Variants in PDE4D observed in about 807,000 individuals in gnomAD.
The protein encoded by PDE4D is phosphodiesterase 4D.
A neutral mutation model predicts 87.4 loss-of-function variants in PDE4D; 24 were observed. That is an observed-to-expected ratio of 0.27 (90% CI 0.20 to 0.39). The LOEUF is 0.39. Among genes scored for constraint, PDE4D ranks in the 10% least tolerant of loss-of-function variants. The pLI is 1.00. For missense variants in PDE4D, 714 were observed against 1,041.0 expected, an observed-to-expected ratio of 0.69 and a Z score of 4.32; for synonymous variants, 384 against 383.2, an observed-to-expected ratio of 1.00 and a Z score of -0.02.
chr5:58,975,534 G>A lies in PDE4D; in HGVS notation c.2013+123C>T, dbSNP rs988570484. 1.5e-6 allele frequency: 1 copy of A among 687,108 alleles called. No individual in the cohort carries two copies. The allele number at this position is 687,108 out of a possible 1,614,324, so 42.6% of individuals were successfully genotyped here. On this transcript the variant is annotated intron_variant, in intron 14 of 14. Transcript: ENST00000340635. This position sits in a 1 kb window ranked among gnomAD's most constrained non-coding sequence, Gnocchi z 4.2. ...GGATCATAAATACTAAGGTGAAATT[G>A]AGCTTGTCAAAAACAAAGTAATTTT... is the stretch of plus-strand genomic sequence containing the variant.
At chr5:60,250,110 A>G (rs1276423026) in intron 1 of PDE4D, among the ~76,000 whole-genome samples, 2 of 152,036 alleles carry the variant, frequency 1.3e-5, no homozygotes, top group African/African-American at 4.8e-5. Flanking sequence ...GGCTATCATC[A>G]GACAAATTTA....
At chr5:60,017,030 T>C (rs1195460887) in intron 2 of PDE4D, among the ~76,000 whole-genome samples, 1 of 152,196 alleles carries the variant, frequency 6.6e-6, no homozygotes, top group African/African-American at 2.4e-5. Context: ...GACTCCTAGA[T>C]CCATTGATTG....
intron 5 of PDE4D, among the ~76,000 whole-genome samples, chr5:59,110,305 T>C (rs546238554): frequency 6.6e-6 from 1 of 152,282 alleles, no homozygotes; most frequent in Admixed American, 6.5e-5. Context: ...TTCTGGAATA[T>C]AGTTAATTCT....
At chr5:59,282,624 C>T (rs1004217631) in intron 1 of PDE4D, among the ~76,000 whole-genome samples, 68 of 84,496 alleles carry the variant, frequency 8.0e-4, no homozygotes, top group African/African-American at 3.2e-3. Flanking sequence ...ACCTGGGCGA[C>T]AAGAGTGAAA....
intron 1 of PDE4D, among the ~76,000 whole-genome samples, chr5:59,451,473 C>T (rs934382914): frequency 6.6e-6 from 1 of 152,212 alleles, no homozygotes; most frequent in Non-Finnish European, 1.5e-5. Context: ...GGACAGCTCT[C>T]CCTGGGGATA....
At chr5:60,119,811 C>T (rs991049123) in intron 2 of PDE4D, among the ~76,000 whole-genome samples, 9 of 151,994 alleles carry the variant, frequency 5.9e-5, no homozygotes, top group Non-Finnish European at 1.3e-4. Flanking sequence ...ATTTAAAATA[C>T]TAGGGGTACA....
At chr5:59,118,833 G>A (rs1181495070) in intron 5 of PDE4D, among the ~76,000 whole-genome samples, 1 of 152,152 alleles carries the variant, frequency 6.6e-6, no homozygotes, top group African/African-American at 2.4e-5. Flanking sequence ...CAGTTGTTCT[G>A]TTGGTCTCTG....
chr5:59,413,025 A>G (rs1285488329), intron 1 of PDE4D, among the ~76,000 whole-genome samples: 1 of 152,196 alleles, frequency 6.6e-6, no homozygotes, highest in African/African-American at 2.4e-5. Context: ...AATTATCTAC[A>G]TTTTAGGATT....
chr5:59,534,984 T>C (rs1376730093), intron 1 of PDE4D, among the ~76,000 whole-genome samples: 2 of 151,244 alleles, frequency 1.3e-5, no homozygotes, highest in Non-Finnish European at 2.9e-5. Flanking sequence ...TTTATTAATA[T>C]TGGGTATGAT....
At chr5:60,505,928 T>G (rs976325625) in intron 1 of PDE4D, among the ~76,000 whole-genome samples, 3 of 152,246 alleles carry the variant, frequency 2.0e-5, no homozygotes, top group African/African-American at 7.2e-5. Context: ...TTATGCTGCC[T>G]GTCTCTAGCC....
intron 5 of PDE4D, among the ~76,000 whole-genome samples, chr5:59,045,064 T>C (rs1760379738): frequency 1.3e-5 from 2 of 152,044 alleles, no homozygotes; most frequent in African/African-American, 4.8e-5. Context: ...GAGGAGGTAA[T>C]TTCAGCAAAC....
chr5:59,599,917 G>A (rs993364485), intron 1 of PDE4D, among the ~76,000 whole-genome samples: 5 of 152,180 alleles, frequency 3.3e-5, no homozygotes, highest in African/African-American at 1.2e-4. Flanking sequence ...ATCGTAAGAT[G>A]GCATCACATG....
intron 1 of PDE4D, among the ~76,000 whole-genome samples, chr5:59,745,425 AG>A (rs1467740705): frequency 6.6e-6 from 1 of 152,138 alleles, no homozygotes; most frequent in Non-Finnish European, 1.5e-5. Context: ...ATTCTGAATG[AG>A]CTTTTTCCAG....
intron 3 of PDE4D, among the ~76,000 whole-genome samples, chr5:59,189,628 C>T (rs1743859629): frequency 6.6e-6 from 1 of 152,104 alleles, no homozygotes; most frequent in South Asian, 2.1e-4. Flanking sequence ...CATTGTGCCT[C>T]CTTAGTGCTC....
intron 1 of PDE4D, among the ~76,000 whole-genome samples, chr5:60,196,671 A>G (rs1741247793): frequency 6.6e-6 from 1 of 151,618 alleles, no homozygotes. Context: ...TCAGGATAAA[A>G]TTCCCTGAGT....
intron 2 of PDE4D, among the ~76,000 whole-genome samples, chr5:60,158,258 T>C (rs1254357400): frequency 6.6e-6 from 1 of 152,220 alleles, no homozygotes; most frequent in Non-Finnish European, 1.5e-5. Context: ...GACTATATTG[T>C]ATAGCCTGTT....
chr5:60,000,362 G>A (rs78963348), intron 2 of PDE4D, among the ~76,000 whole-genome samples: 150 of 152,274 alleles, frequency 9.9e-4, no homozygotes, highest in Admixed American at 3.1e-3. Flanking sequence ...ATGTGCAAGC[G>A]ACCTTCAATG....
chr5:58,978,498 C>A (rs144063854), intron 11 of PDE4D, among the ~76,000 whole-genome samples: 1 of 151,810 alleles, frequency 6.6e-6, no homozygotes, highest in Non-Finnish European at 1.5e-5. Context: ...AAATATATAA[C>A]GAATGCATAG....
At chr5:59,521,869 G>A (rs1444761129) in intron 1 of PDE4D, among the ~76,000 whole-genome samples, 1 of 152,112 alleles carries the variant, frequency 6.6e-6, no homozygotes, top group Non-Finnish European at 1.5e-5. Context: ...CTGGTACATG[G>A]TAAACACTTA....
Sources: gnomAD v4.1 joint callset for allele counts (sites outside exome capture counted in the v4.1 genomes callset) on GRCh38, gnomAD v4.1.1 for gene constraint, Gnocchi (gnomAD v3.1) non-coding constraint, MANE v1.5 for transcripts, NCBI Gene and HGNC (gene_info 2026-07-23, HGNC 2026-07-21) for gene names.